Variants in RORA observed in about 807,000 individuals in gnomAD.
RORA encodes the protein RAR related orphan receptor A.
A neutral mutation model predicts 69.5 loss-of-function variants in RORA; 7 were observed. The ratio of observed to expected loss-of-function variants is 0.10; its 90% CI spans 0.06 to 0.19. RORA has a LOEUF of 0.19. Among genes scored for constraint, RORA ranks in the 10% least tolerant of loss-of-function variants. RORA has a pLI of 1.00. For synonymous variants in RORA, 261 were observed against 240.8 expected (o/e 1.08, Z -0.78); for missense variants, 457 against 663.0 (o/e 0.69, Z 3.41).
At chr15:60,724,527 C>T (rs1026943988) in intron 1 of RORA, among the ~76,000 whole-genome samples, 4 of 152,146 alleles carry the variant, frequency 2.6e-5, no homozygotes, top group African/African-American at 7.2e-5. Context: ...GACAGAAGCC[C>T]ATTGCTTCCT....
chr15:60,767,734 T>A (rs992883952), intron 1 of RORA, among the ~76,000 whole-genome samples: 6 of 152,226 alleles, frequency 3.9e-5, no homozygotes, highest in Non-Finnish European at 8.8e-5. Context: ...ACCTTCTCTT[T>A]TGTACCTGCA....
chr15:61,112,589 TCTGTGAAG>T (rs2079016762), intron 1 of RORA, among the ~76,000 whole-genome samples: 1 of 152,176 alleles, frequency 6.6e-6, no homozygotes, highest in Non-Finnish European at 1.5e-5. Context: ...TATTTAACGC[TCTGTGAAG>T]CACAGAGCAG....
rs1002100263 is a variant in RORA, at chr15:60,514,310, C to T, written c.424+306G>A. Among the ~76,000 whole-genome samples, 23 of 152,108 alleles carry T rather than the reference C, an allele frequency of 1.5e-4. No homozygotes were observed. The East Asian group carries it at 1.9e-3, about 13-fold the overall frequency. On this transcript the variant is annotated intron_variant, in intron 4 of 10. Transcript: ENST00000335670. ...ATTAAGGCCTTCAGATGACACTTAC[C>T]GTCAGTCAATCGACCCACCTATAAT...
At chr15:60,931,050 A>G (rs905443913) in intron 1 of RORA, among the ~76,000 whole-genome samples, 2 of 152,186 alleles carry the variant, frequency 1.3e-5, no homozygotes, top group Middle Eastern at 3.2e-3. Flanking sequence ...TGTATTTTAA[A>G]TGGCAGGGGG....
At chr15:60,900,645 G>A (rs557218693) in intron 1 of RORA, among the ~76,000 whole-genome samples, 17 of 152,070 alleles carry the variant, frequency 1.1e-4, no homozygotes, top group Admixed American at 3.3e-4. Context: ...AGGCCGAGGC[G>A]GGTGCATCAT....
chr15:60,708,777 T>C (rs183506476), intron 1 of RORA, among the ~76,000 whole-genome samples: 3 of 152,334 alleles, frequency 2.0e-5, no homozygotes, highest in African/African-American at 7.2e-5. Flanking sequence ...ATTATTTATA[T>C]ATCAGAGCTC....
chr15:60,697,088 G>C (rs571764553), intron 1 of RORA, among the ~76,000 whole-genome samples: 2 of 152,266 alleles, frequency 1.3e-5, no homozygotes, highest in East Asian at 3.9e-4. Flanking sequence ...ATGCGGGCCT[G>C]GTTTCTGAAC....
intron 2 of RORA, among the ~76,000 whole-genome samples, chr15:60,673,206 T>C (rs763877439): frequency 1.3e-5 from 2 of 152,222 alleles, no homozygotes; most frequent in Non-Finnish European, 2.9e-5. Context: ...GGGATGGAAA[T>C]GCTCAGGTAA....
intron 1 of RORA, among the ~76,000 whole-genome samples, chr15:60,815,320 C>T (rs2072794174): frequency 6.6e-6 from 1 of 152,058 alleles, no homozygotes; most frequent in Non-Finnish European, 1.5e-5. Context: ...AGTTTAATAC[C>T]TATAAATGTC....
In RORA at chr15:60,488,950, T is replaced by C. The variant is rs2064996738; in HGVS notation, c.*8505A>G. 6.6e-6 allele frequency: 1 copy of C among 152,246 alleles called. No homozygotes were observed. Among genetic ancestry groups the C allele is most frequent in the Non-Finnish European group, 1.5e-5 (1 of 68,040 alleles). 9.4% of individuals were successfully genotyped at this position (152,246 alleles called of 1,614,324 possible). A position where few individuals can be genotyped will look rare whatever the true frequency, so the allele number is the denominator to read the frequency against. The stretch of plus-strand genomic sequence containing the variant: ...TAACCGTAAGGCTTGGCTTACTTTG[T>C]AAATTTAACAAAACAACCCAGGAAA... On this transcript the variant is annotated 3_prime_UTR_variant, in exon 11 of 11. Transcript: ENST00000335670.
intron 1 of RORA, among the ~76,000 whole-genome samples, chr15:61,210,259 G>T (rs2079978937): frequency 6.6e-6 from 1 of 152,126 alleles, no homozygotes; most frequent in Non-Finnish European, 1.5e-5. Context: ...CTGCCCACAG[G>T]GATCAGAACT....
chr15:60,572,903 C>T (rs1037690860), intron 2 of RORA, among the ~76,000 whole-genome samples: 7 of 152,210 alleles, frequency 4.6e-5, no homozygotes, highest in Non-Finnish European at 7.3e-5. Context: ...TTTAAATAAA[C>T]GTGTACCACA....
rs371791251 is a variant in RORA, at chr15:61,082,580, G to A, written c.166+146473C>T. On this transcript the variant is annotated intron_variant, in intron 1 of 10. Transcript: ENST00000335670. ...TACAGAGGAGTGACATTTTGTAAAC[G>A]TGGGTTCTGCAGCACCAACTTCATC... is the stretch of plus-strand genomic sequence containing the variant. Among the ~76,000 whole-genome samples the A allele has an allele frequency of 2.6e-5, 4 of 152,292 alleles. No individual in the cohort carries two copies. The South Asian group carries it at 6.2e-4, about 24-fold the overall frequency.
intron 2 of RORA, among the ~76,000 whole-genome samples, chr15:60,620,092 C>G (rs2069364061): frequency 6.6e-6 from 1 of 152,202 alleles, no homozygotes; most frequent in Admixed American, 6.5e-5. Context: ...GCTTCGTTAC[C>G]CTAACCAAAC....
intron 1 of RORA, among the ~76,000 whole-genome samples, chr15:60,709,974 G>A (rs1175748002): frequency 6.6e-6 from 1 of 152,090 alleles, no homozygotes; most frequent in Non-Finnish European, 1.5e-5. Context: ...GCTGCATTTA[G>A]AAGGTGGGGG....
intron 1 of RORA, among the ~76,000 whole-genome samples, chr15:60,743,952 T>C (rs1484080056): frequency 1.3e-5 from 2 of 152,148 alleles, no homozygotes; most frequent in Non-Finnish European, 2.9e-5. Flanking sequence ...AGCAAGACCA[T>C]TTGGTTGGTT....
At chr15:60,758,717 T>C (rs1256881894) in intron 1 of RORA, among the ~76,000 whole-genome samples, 1 of 152,186 alleles carries the variant, frequency 6.6e-6, no homozygotes, top group Non-Finnish European at 1.5e-5. Context: ...CATCGGTACA[T>C]AAGAAAAGAA....
intron 1 of RORA, among the ~76,000 whole-genome samples, chr15:61,206,461 G>T (rs767131458): frequency 2.6e-5 from 4 of 152,120 alleles, no homozygotes; most frequent in Non-Finnish European, 5.9e-5. Context: ...ACAACCCCAC[G>T]ACATCCCTGT....
intron 1 of RORA, among the ~76,000 whole-genome samples, chr15:61,056,288 A>C (rs1424960570): frequency 6.6e-6 from 1 of 152,216 alleles, no homozygotes; most frequent in African/African-American, 2.4e-5. Context: ...GGTTATTGGC[A>C]TCCTTCCATT....
Sources: allele counts gnomAD v4.1 joint callset (sites outside exome capture counted in the v4.1 genomes callset), GRCh38; gene constraint gnomAD v4.1.1; transcripts MANE v1.5; gene names NCBI Gene and HGNC (gene_info 2026-07-23, HGNC 2026-07-21).